The following SHANK2 variants were observed in gnomAD, a reference collection of about 807,000 sequenced individuals.
SHANK2 encodes the protein SH3 and multiple ankyrin repeat domains protein 2.
In SHANK2, 43 loss-of-function variants were observed where a neutral mutation model predicts 133.7. The ratio of observed to expected loss-of-function variants is 0.32; its 90% CI spans 0.25 to 0.41. SHANK2 has a LOEUF of 0.41. Ranked by LOEUF, SHANK2 falls within the 10% of genes least tolerant of loss-of-function variation. The pLI, the probability that SHANK2 is intolerant of heterozygous loss-of-function variation, is 1.00. For synonymous variants in SHANK2, 1,017 were observed against 952.8 expected, an observed-to-expected ratio of 1.07 and a Z score of -1.24; for missense variants, 1,994 against 2,235.8, an observed-to-expected ratio of 0.89 and a Z score of 2.18.
rs116365165 is a variant in SHANK2, at chr11:70,650,719, G to A, written c.2061+9109C>T. ...AAGACCTTCCTCCTCAGTTCTGCCT[G>A]CAAAAACCTCACTTACCCATCAAAG... On this transcript the variant is annotated intron_variant, in intron 17 of 25. Coordinates refer to ENST00000601538, the MANE Select transcript of SHANK2 (RefSeq NM_012309.5). Among the ~76,000 whole-genome samples the A allele has an allele frequency of 4.4e-3, 674 of 152,260 alleles. 3 individuals are homozygous for A. The highest frequency in any genetic ancestry group is 0.015 in the African/African-American group (638 of 41,534).
chr11:70,776,948 C>A (rs893761974), intron 14 of SHANK2, among the ~76,000 whole-genome samples: 1 of 151,084 alleles, frequency 6.6e-6, no homozygotes, highest in African/African-American at 2.4e-5. Context: ...CATCCATCCA[C>A]CCATTGAGAT....
At position 70,807,622 on chromosome 11, in the gene SHANK2, G is replaced by A. The variant is rs1948191236; in HGVS notation, c.1494-451C>T. 6.6e-6 allele frequency among the ~76,000 whole-genome samples: 1 copy of A among 152,154 alleles called. No individual in the cohort carries two copies. Among genetic ancestry groups the A allele is most frequent in the South Asian group, 2.1e-4 (1 of 4,820 alleles). On this transcript the variant is annotated intron_variant, in intron 12 of 25. Coordinates refer to ENST00000601538, the MANE Select transcript of SHANK2 (RefSeq NM_012309.5). This position sits in a 1 kb window ranked among gnomAD's most constrained non-coding sequence, Gnocchi z 4.8. Reference sequence around the variant, plus strand: ...AGGTGGGCAGACCACCTGAGATCACGAGTTCGGGACCAGCACGGCCAACAT... The same window carrying A: ...AGGTGGGCAGACCACCTGAGATCACAAGTTCGGGACCAGCACGGCCAACAT...
At chr11:71,074,781 T>G (rs1482263155) in intron 9 of SHANK2, among the ~76,000 whole-genome samples, 1 of 145,520 alleles carries the variant, frequency 6.9e-6, no homozygotes, top group African/African-American at 2.5e-5. Context: ...CAATTTTTTT[T>G]TTTTTTTTTT....
intron 2 of SHANK2, among the ~76,000 whole-genome samples, chr11:71,214,007 C>G (rs1410691265): frequency 1.3e-5 from 2 of 152,124 alleles, no homozygotes; most frequent in Non-Finnish European, 2.9e-5. Context: ...CCTGCCCTAA[C>G]GCGCCCCAGG....
intron 3 of SHANK2, among the ~76,000 whole-genome samples, chr11:71,124,216 T>TGGTGATGGTGATGATAAC (rs1555102175): frequency 1.8e-5 from 1 of 54,722 alleles, no homozygotes; most frequent in Non-Finnish European, 3.7e-5. Context: ...GTGATGATGA[T>TGGTGATGGTGATGATAAC]GGTGACAATG....
intron 4 of SHANK2, among the ~76,000 whole-genome samples, chr11:71,118,287 C>G (rs1346635081): frequency 6.6e-6 from 1 of 152,140 alleles, no homozygotes; most frequent in African/African-American, 2.4e-5. Context: ...AAATCAGAAG[C>G]AACCTTTTAT....
intron 17 of SHANK2, among the ~76,000 whole-genome samples, chr11:70,559,856 G>A (rs539914992): frequency 9.1e-5 from 11 of 120,434 alleles, no homozygotes; most frequent in South Asian, 6.4e-4. Context: ...CCCATATTCT[G>A]GGGGGTTGCT....
chr11:70,678,669 A>G (rs1944958421), intron 15 of SHANK2, among the ~76,000 whole-genome samples: 1 of 150,580 alleles, frequency 6.6e-6, no homozygotes, highest in Non-Finnish European at 1.5e-5. Flanking sequence ...CAGCCTCCCA[A>G]GTAGCTGGGA....
intron 15 of SHANK2, among the ~76,000 whole-genome samples, chr11:70,676,295 C>G (rs957970315): frequency 1.3e-5 from 2 of 152,332 alleles, no homozygotes; most frequent in Admixed American, 6.5e-5. Context: ...ATGGTCATGA[C>G]CCTATGGAAT....
chr11:70,578,166 C>T (rs1372934773), intron 17 of SHANK2, among the ~76,000 whole-genome samples: 3 of 152,188 alleles, frequency 2.0e-5, no homozygotes, highest in African/African-American at 4.8e-5. Flanking sequence ...ACTGTACTCT[C>T]GCCATTGCAC....
chr11:70,622,332 G>A (rs1255833164), intron 17 of SHANK2, among the ~76,000 whole-genome samples: 1 of 150,692 alleles, frequency 6.6e-6, no homozygotes, highest in Non-Finnish European at 1.5e-5. Context: ...GCCCCCACCT[G>A]TGCTGTGCCC....
At chr11:70,574,500 T>C (rs61885902) in intron 17 of SHANK2, among the ~76,000 whole-genome samples, 11,624 of 152,310 alleles carry the variant, frequency 0.076, 588 homozygotes, top group African/African-American at 0.13. Context: ...CTTTCACTCA[T>C]TCATCTGACT....
rs782348031 is a variant in SHANK2 at position 70,473,113 on chromosome 11, A to T, written c.5306T>A (p.Leu1769Gln). Residue 1769 changes from leucine to glutamine, a missense_variant, in exon 26 of 26, where the codon CTG becomes CAG. Leu to Gln is a moderately radical substitution (Grantham distance 113, BLOSUM62 -2). Transcript: ENST00000601538. The surrounding 1 kb of genome is among the most constrained non-coding windows in gnomAD (Gnocchi z 5.9). ...AGGCTTATTTGAGATTGGCTGTTGC[A>T]GTATCGAGGGGGATGGCGACCTACT... The part of the protein sequence containing the change: ...GRSRSPSPSI[L>Q]QQPISNKPFT... 4.3e-6 allele frequency: 7 copies of T among 1,614,118 alleles called. No homozygotes were observed. The highest frequency in any genetic ancestry group is 5.9e-6 in the Non-Finnish European group (7 of 1,180,054).
chr11:71,204,373 C>T lies in SHANK2; in HGVS notation c.-13+20324G>A, dbSNP rs368275633. Among the ~76,000 whole-genome samples, 57 of 152,268 alleles carry T rather than the reference C, an allele frequency of 3.7e-4. 1 individual carries two copies. The highest frequency in any genetic ancestry group is 1.2e-3 in the East Asian group (6 of 5,170). Reference sequence around the variant, plus strand: ...GGTGCGGCTTGGTAGGAGTGTCCCACGGGGAGGTAACAGGACCCAGCGCAC... The same window carrying T: ...GGTGCGGCTTGGTAGGAGTGTCCCATGGGGAGGTAACAGGACCCAGCGCAC... On this transcript the variant is annotated intron_variant, in intron 2 of 25. Coordinates refer to ENST00000601538, the MANE Select transcript of SHANK2 (RefSeq NM_012309.5).
chr11:70,580,982 G>A (rs1416375286), intron 17 of SHANK2, among the ~76,000 whole-genome samples: 2 of 152,182 alleles, frequency 1.3e-5, no homozygotes, highest in African/African-American at 4.8e-5. Context: ...GGCTCTCAAA[G>A]TTCTGGCTCT....
At chr11:70,929,174 A>T (rs568056751) in intron 10 of SHANK2, among the ~76,000 whole-genome samples, 3 of 152,350 alleles carry the variant, frequency 2.0e-5, no homozygotes, top group Admixed American at 2.0e-4. Flanking sequence ...TGTGTATCAT[A>T]AGGAAGCCTC....
intron 8 of SHANK2, among the ~76,000 whole-genome samples, chr11:71,077,661 T>C (rs1208748406): frequency 6.6e-6 from 1 of 151,992 alleles, no homozygotes; most frequent in Non-Finnish European, 1.5e-5. Flanking sequence ...CCCCTGGTGG[T>C]TGAGGCACGG....
intron 10 of SHANK2, among the ~76,000 whole-genome samples, chr11:70,926,901 G>T (rs189637177): frequency 6.6e-6 from 1 of 152,182 alleles, no homozygotes; most frequent in Non-Finnish European, 1.5e-5. Context: ...AGTGTGAGGC[G>T]TCCATGGTCT....
At chr11:70,649,973 G>C (rs2061319884) in intron 17 of SHANK2, among the ~76,000 whole-genome samples, 1 of 152,196 alleles carries the variant, frequency 6.6e-6, no homozygotes, top group African/African-American at 2.4e-5. Flanking sequence ...AGATGTAGCA[G>C]AGACCTGGTC....
Sources: gnomAD v4.1 joint callset for allele counts (sites outside exome capture counted in the v4.1 genomes callset) on GRCh38, gnomAD v4.1.1 for gene constraint, Gnocchi (gnomAD v3.1) non-coding constraint, MANE v1.5 for transcripts, NCBI Gene and HGNC (gene_info 2026-07-23, HGNC 2026-07-21) for gene names.